The following NCKAP5 variants were observed in gnomAD, a reference collection of about 807,000 sequenced individuals.
NCKAP5 encodes the protein NCK associated protein 5, also known as nck-associated protein 5.
In NCKAP5, 92 loss-of-function variants were observed where a neutral mutation model predicts 167.0. The ratio of observed to expected loss-of-function variants is 0.55; its 90% CI spans 0.47 to 0.66. NCKAP5 has a LOEUF of 0.66. NCKAP5 is among the 30% of genes least tolerant of loss of function. The pLI, the probability that NCKAP5 is intolerant of heterozygous loss-of-function variation, is 0.00. For synonymous variants in NCKAP5, 891 were observed against 877.4 expected (o/e 1.02, Z -0.27); for missense variants, 2,378 against 2,315.0 (o/e 1.03, Z -0.56).
chr2:133,242,587 T>C (rs1297977555), intron 4 of NCKAP5, among the ~76,000 whole-genome samples: 1 of 152,172 alleles, frequency 6.6e-6, no homozygotes, highest in Admixed American at 6.5e-5. Flanking sequence ...TTTAACTATA[T>C]TAATGCAAAC....
chr2:133,545,608 G>C (rs1339287675), intron 2 of NCKAP5, among the ~76,000 whole-genome samples: 1 of 152,056 alleles, frequency 6.6e-6, no homozygotes, highest in Non-Finnish European at 1.5e-5. Context: ...ACCGCACCTA[G>C]CACCCACTAC....
At chr2:133,263,216 A>G (rs907697195) in intron 4 of NCKAP5, among the ~76,000 whole-genome samples, 1 of 151,726 alleles carries the variant, frequency 6.6e-6, no homozygotes, top group East Asian at 1.9e-4. Flanking sequence ...TGTAATATTT[A>G]GGAATGAAAA....
chr2:132,740,694 T>C (rs1679103537), intron 16 of NCKAP5, among the ~76,000 whole-genome samples: 1 of 152,124 alleles, frequency 6.6e-6, no homozygotes, highest in Non-Finnish European at 1.5e-5. Context: ...TTTAGCTTCC[T>C]GAGATTTGAA....
At chr2:132,875,639 G>A (rs1030603801) in intron 9 of NCKAP5, among the ~76,000 whole-genome samples, 1 of 152,192 alleles carries the variant, frequency 6.6e-6, no homozygotes, top group African/African-American at 2.4e-5. Flanking sequence ...GGAATAGTAG[G>A]TATGAAAGAA....
intron 3 of NCKAP5, among the ~76,000 whole-genome samples, chr2:133,502,236 AG>A (rs1378573221): frequency 6.6e-6 from 1 of 152,200 alleles, no homozygotes; most frequent in African/African-American, 2.4e-5. Flanking sequence ...TTTCAGAGAT[AG>A]GGAAGAAATG....
chr2:133,007,018 T>A (rs899408842), intron 6 of NCKAP5, among the ~76,000 whole-genome samples: 1 of 152,102 alleles, frequency 6.6e-6, no homozygotes, highest in African/African-American at 2.4e-5. Flanking sequence ...CCACAGCACA[T>A]CCAGAAAAGT....
At chr2:132,747,341 A>T (rs1488551135) in intron 16 of NCKAP5, among the ~76,000 whole-genome samples, 1 of 152,190 alleles carries the variant, frequency 6.6e-6, no homozygotes, top group Admixed American at 6.5e-5. Flanking sequence ...ATCACCAGGG[A>T]ACAAGACTGA....
chr2:133,054,126 T>C (rs1466525909), intron 6 of NCKAP5, among the ~76,000 whole-genome samples: 1 of 152,180 alleles, frequency 6.6e-6, no homozygotes, highest in Non-Finnish European at 1.5e-5. Flanking sequence ...TATCTAAGCT[T>C]GCAAGAAAAA....
intron 5 of NCKAP5, among the ~76,000 whole-genome samples, chr2:133,131,727 G>C (rs575626841): frequency 1.3e-5 from 2 of 152,186 alleles, no homozygotes; most frequent in South Asian, 2.1e-4. Context: ...GGAAGCGCTG[G>C]AAAGAAAGAA....
chr2:132,729,247 T>C (rs1336370947), intron 17 of NCKAP5, among the ~76,000 whole-genome samples: 1 of 152,206 alleles, frequency 6.6e-6, no homozygotes, highest in Non-Finnish European at 1.5e-5. Context: ...AGGCAAACCA[T>C]TCAGGAAACA....
At chr2:132,728,495 A>T (rs1463954274) in intron 18 of NCKAP5, among the ~76,000 whole-genome samples, 1 of 151,930 alleles carries the variant, frequency 6.6e-6, no homozygotes, top group Non-Finnish European at 1.5e-5. Flanking sequence ...TAGAAAAAAC[A>T]TCATTCCAAT....
At chr2:133,415,124 G>A (rs552681131) in intron 3 of NCKAP5, among the ~76,000 whole-genome samples, 11 of 152,282 alleles carry the variant, frequency 7.2e-5, no homozygotes, top group Admixed American at 3.9e-4. Flanking sequence ...CAACCCCATT[G>A]CCCCCGCTGA....
chr2:133,627,658 C>A, the NCKAP5 span, among the ~76,000 whole-genome samples: 1 of 151,796 alleles, frequency 6.6e-6, no homozygotes, highest in African/African-American at 2.4e-5. Context: ...CTGTAGTGTG[C>A]GCTCTCTTTA....
At chr2:133,209,411 GA>G (rs1246799419) in intron 5 of NCKAP5, among the ~76,000 whole-genome samples, 8 of 148,534 alleles carry the variant, frequency 5.4e-5, no homozygotes, top group Non-Finnish European at 1.2e-4. Context: ...CAAAAATAAA[GA>G]TCTGAGTTAA....
chr2:133,465,456 C>T (rs1384994052), intron 3 of NCKAP5, among the ~76,000 whole-genome samples: 2 of 151,780 alleles, frequency 1.3e-5, no homozygotes, highest in South Asian at 2.1e-4. Context: ...GTGAATAATG[C>T]CGCAATAAAC....
At chr2:132,860,844 T>C (rs1431250730) in intron 10 of NCKAP5, among the ~76,000 whole-genome samples, 2 of 152,318 alleles carry the variant, frequency 1.3e-5, no homozygotes, top group East Asian at 1.9e-4. Flanking sequence ...AGAAATGCAT[T>C]AATCTAGCAT....
rs558394810 is a variant in NCKAP5, at chr2:132,832,370, G to A, written c.807+28122C>T. 5.3e-5 allele frequency among the ~76,000 whole-genome samples: 8 copies of A among 152,098 alleles called. No homozygotes were observed. The South Asian group carries it at 1.7e-3, about 32-fold the overall frequency. On this transcript the variant is annotated intron_variant, in intron 11 of 19. Coordinates refer to ENST00000409261, the MANE Select transcript of NCKAP5 (RefSeq NM_207363.3). ...TGGCATGTAGAAATGCTGTGGTTTG[G>A]TTTTATATATGTTTTGCATGTATAT...
chr2:133,338,353 A>G (rs1373269508), intron 3 of NCKAP5, among the ~76,000 whole-genome samples: 1 of 152,248 alleles, frequency 6.6e-6, no homozygotes, highest in African/African-American at 2.4e-5. Flanking sequence ...CTGTCATTGC[A>G]TTCTAATTCT....
intron 3 of NCKAP5, among the ~76,000 whole-genome samples, chr2:133,406,765 C>T (rs73001155): frequency 0.025 from 3,750 of 152,316 alleles, 140 homozygotes; most frequent in African/African-American, 0.084. Context: ...CTCAGCCAGA[C>T]ACTGTCTATA....
Sources: gnomAD v4.1 joint callset for allele counts (sites outside exome capture counted in the v4.1 genomes callset) on GRCh38, gnomAD v4.1.1 for gene constraint, MANE v1.5 for transcripts, NCBI Gene and HGNC (gene_info 2026-07-23, HGNC 2026-07-21) for gene names.